The following TTC39B variants were observed in gnomAD, a reference collection of about 807,000 sequenced individuals.
The protein encoded by TTC39B is tetratricopeptide repeat domain 39B.
TTC39B carries 92 observed loss-of-function variants against 96.6 expected under a neutral mutation model. That is an observed-to-expected ratio of 0.95 (90% confidence interval 0.80 to 1.13). The LOEUF is 1.13. TTC39B is among the 50% of genes most tolerant of loss of function. TTC39B has a pLI of 0.00. For missense variants in TTC39B, 955 were observed against 809.3 expected, an observed-to-expected ratio of 1.18 and a Z score of -2.18; for synonymous variants, 367 against 299.4, an observed-to-expected ratio of 1.23 and a Z score of -2.33.
chr9:15,184,437 C>T (rs1482413726), intron 16 of TTC39B, among the ~76,000 whole-genome samples: 1 of 121,682 alleles, frequency 8.2e-6, no homozygotes, highest in Non-Finnish European at 1.8e-5. Flanking sequence ...AAAAAAAAAA[C>T]TCAGGAAACC....
At chr9:15,257,869 G>T (rs145650953) in intron 2 of TTC39B, among the ~76,000 whole-genome samples, 8,071 of 151,998 alleles carry the variant, frequency 0.053, 243 homozygotes, top group East Asian at 0.069. Context: ...AGACCAGCCT[G>T]ACTAACATGG....
chr9:15,221,532 G>A (rs1586904337), intron 3 of TTC39B, among the ~76,000 whole-genome samples: 1 of 151,758 alleles, frequency 6.6e-6, no homozygotes, highest in East Asian at 1.9e-4. Flanking sequence ...TACTTTCCCT[G>A]CCCTGGTGCT....
At chr9:15,193,073 A>G (rs1487503367) in intron 8 of TTC39B, among the ~76,000 whole-genome samples, 1 of 152,204 alleles carries the variant, frequency 6.6e-6, no homozygotes, top group Non-Finnish European at 1.5e-5. Context: ...CAGCAACCTG[A>G]GGAAATGAAA....
At chr9:15,191,226 G>C (rs1818839308) in exon 10 of TTC39B, 1 of 1,609,602 alleles carries the variant, frequency 6.2e-7, no homozygotes, top group East Asian at 2.2e-5. Context: ...CTAGTAGTCT[G>C]ATAATCCTTG....
intron 1 of TTC39B, among the ~76,000 whole-genome samples, chr9:15,284,743 G>A (rs1419158306): frequency 2.0e-5 from 3 of 152,144 alleles, no homozygotes; most frequent in Non-Finnish European, 2.9e-5. Context: ...GAGAGGAAGG[G>A]AGGGAATATA....
At chr9:15,299,909 T>C (rs572137073) in intron 1 of TTC39B, among the ~76,000 whole-genome samples, 13 of 152,184 alleles carry the variant, frequency 8.5e-5, no homozygotes, top group African/African-American at 3.1e-4. Context: ...GGGAAGGAAG[T>C]GGGTATCCAG....
At chr9:15,214,364 G>C (rs577397414) in intron 3 of TTC39B, 115 bp from the exon 4 acceptor site, 103 of 677,548 alleles carry the variant, frequency 1.5e-4, no homozygotes, top group Non-Finnish European at 2.4e-4. Context: ...GTGTGTGTCT[G>C]TGTGTGTGTC....
intron 1 of TTC39B, among the ~76,000 whole-genome samples, chr9:15,300,093 C>G (rs1008345327): frequency 1.3e-5 from 2 of 152,186 alleles, no homozygotes; most frequent in African/African-American, 4.8e-5. Flanking sequence ...ACTTGCATTA[C>G]CAATTTACAA....
chr9:15,251,887 T>G (rs1336325402), intron 2 of TTC39B, among the ~76,000 whole-genome samples: 2 of 151,852 alleles, frequency 1.3e-5, no homozygotes, highest in Non-Finnish European at 2.9e-5. Context: ...AAAGAGCATA[T>G]GCAATGACAG....
intron 2 of TTC39B, among the ~76,000 whole-genome samples, chr9:15,267,144 G>A (rs1364080927): frequency 2.0e-5 from 3 of 152,180 alleles, no homozygotes; most frequent in African/African-American, 7.2e-5. Flanking sequence ...ACAACAAGGA[G>A]GCAGTCTGCA....
At chr9:15,255,292 G>C (rs967476902) in intron 2 of TTC39B, among the ~76,000 whole-genome samples, 3 of 152,026 alleles carry the variant, frequency 2.0e-5, no homozygotes, top group African/African-American at 7.3e-5. Flanking sequence ...GCATGGTACT[G>C]AACTATACAC....
intron 2 of TTC39B, chr9:15,249,036 T>C (rs1318296186): frequency 3.3e-5 from 5 of 152,226 alleles, no homozygotes; most frequent in Non-Finnish European, 1.5e-5. Context: ...CCAAATTATA[T>C]GAATCTGTTC....
chr9:15,300,167 C>A (rs182854616), intron 1 of TTC39B, among the ~76,000 whole-genome samples: 57 of 152,292 alleles, frequency 3.7e-4, no homozygotes, highest in Non-Finnish European at 1.2e-4. Context: ...GCTCCGCAAT[C>A]AGAAAATTCA....
intron 9 of TTC39B, 26 bp downstream of exon 9, chr9:15,192,564 T>C: frequency 6.4e-7 from 1 of 1,573,166 alleles, no homozygotes. Flanking sequence ...ACAAAAGTTC[T>C]GGTTTCTATA....
intron 1 of TTC39B, among the ~76,000 whole-genome samples, chr9:15,295,745 T>C (rs886896385): frequency 1.5e-4 from 23 of 152,124 alleles, no homozygotes; most frequent in African/African-American, 4.8e-4. Context: ...ATGTCAGAAG[T>C]GAAATCACAT....
At chr9:15,190,709 T>C in intron 10 of TTC39B, 47 bp from the exon 11 acceptor site, 2 of 1,475,744 alleles carry the variant, frequency 1.4e-6, no homozygotes, top group South Asian at 2.3e-5. Flanking sequence ...GACTGGAAAA[T>C]CATATTCAGA....
intron 18 of TTC39B, among the ~76,000 whole-genome samples, chr9:15,175,622 A>C (rs1445968647): frequency 6.6e-6 from 1 of 152,198 alleles, no homozygotes; most frequent in Non-Finnish European, 1.5e-5. Context: ...AACATGTAAA[A>C]GCAATGAAAA....
chr9:15,175,172 G>A, intron 18 of TTC39B, 37 bp from the exon 19 acceptor site: 2 of 1,381,868 alleles, frequency 1.4e-6, no homozygotes, highest in Non-Finnish European at 2.1e-6. Flanking sequence ...AATCTTAACA[G>A]AACAAGAAAT....
chr9:15,295,154 G>A (rs1824328200), intron 1 of TTC39B, among the ~76,000 whole-genome samples: 1 of 152,142 alleles, frequency 6.6e-6, no homozygotes, highest in East Asian at 1.9e-4. Context: ...CAGAAGGTCA[G>A]AAGTTTGCTG....
Sources: gnomAD v4.1 joint callset for allele counts (sites outside exome capture counted in the v4.1 genomes callset) on GRCh38, gnomAD v4.1.1 for gene constraint, MANE v1.5 for transcripts, NCBI Gene and HGNC (gene_info 2026-07-23, HGNC 2026-07-21) for gene names.